Variants in FAF1 observed in about 807,000 individuals in gnomAD.
FAF1 encodes Fas associated factor 1.
A neutral mutation model predicts 92.5 loss-of-function variants in FAF1; 25 were observed. The observed-to-expected ratio is 0.27, with a 90% CI of 0.20 to 0.38. The LOEUF (loss-of-function observed/expected upper bound fraction) is 0.38, where lower values mean the gene tolerates loss of function less well. FAF1 is among the 10% of genes least tolerant of loss of function. The probability of loss-of-function intolerance (pLI) is 1.00; values close to 1 mark genes in which losing one functional copy is unlikely to be tolerated. For synonymous variants in FAF1, 234 were observed against 273.2 expected, an observed-to-expected ratio of 0.86 and a Z score of 1.42; for missense variants, 636 against 793.3, an observed-to-expected ratio of 0.80 and a Z score of 2.38.
rs36053491 is a variant in FAF1 at position 50,836,170 on chromosome 1, G to GTTTTTTTTTTTTTTTTTTTTTTTT, written c.114+21758_114+21759insAAAAAAAAAAAAAAAAAAAAAAAA. Among the ~76,000 whole-genome samples, 152 of 98,514 alleles carry GTTTTTTTTTTTTTTTTTTTTTTTT rather than the reference G, an allele frequency of 1.5e-3. 11 individuals are homozygous for GTTTTTTTTTTTTTTTTTTTTTTTT. The highest frequency in any genetic ancestry group is 1.9e-3 in the Non-Finnish European group (96 of 49,730). 64.6% of individuals were successfully genotyped at this position (98,514 alleles called of 152,430 possible). A position where few individuals can be genotyped will look rare whatever the true frequency, so the allele number is the denominator to read the frequency against. ...GTGTGTGTTTTTGTTTTTTGTTTCT[G>GTTTTTTTTTTTTTTTTTTTTTTTT]TTTTTTTTTTTTTTTTTTTAGACAG... On this transcript the variant is annotated intron_variant, in intron 2 of 18. Transcript: ENST00000396153.
intron 4 of FAF1, among the ~76,000 whole-genome samples, chr1:50,774,325 G>C (rs1477756392): frequency 1.3e-5 from 2 of 152,104 alleles, no homozygotes; most frequent in African/African-American, 4.8e-5. Flanking sequence ...ATAAAGCATG[G>C]CTGAGGCATG....
chr1:50,846,409 C>T (rs1286782678), intron 2 of FAF1: 6 of 378,934 alleles, frequency 1.6e-5, no homozygotes, highest in East Asian at 1.7e-4. Context: ...CCTGCCATCC[C>T]GCCCCTTCGC....
At chr1:50,938,620 C>T (rs910366903) in intron 1 of FAF1, among the ~76,000 whole-genome samples, 2 of 152,178 alleles carry the variant, frequency 1.3e-5, no homozygotes, top group Admixed American at 6.5e-5. Context: ...GTTGCAATTA[C>T]TTTTGGGGAC....
At chr1:50,761,078 G>A (rs1660306659) in intron 4 of FAF1, among the ~76,000 whole-genome samples, 2 of 152,272 alleles carry the variant, frequency 1.3e-5, no homozygotes, top group South Asian at 4.1e-4. Flanking sequence ...AAATAAACTA[G>A]AAAATCTAGA....
intron 17 of FAF1, among the ~76,000 whole-genome samples, chr1:50,490,323 G>A (rs1646816157): frequency 6.6e-6 from 1 of 151,726 alleles, no homozygotes. Flanking sequence ...TGGTGCTACA[G>A]TGAGCCCAGA....
chr1:50,728,593 C>A (rs943302275), intron 6 of FAF1, among the ~76,000 whole-genome samples: 4 of 151,826 alleles, frequency 2.6e-5, no homozygotes, highest in Non-Finnish European at 5.9e-5. Flanking sequence ...AAGTTTGAGA[C>A]CAGCCTAGCC....
intron 4 of FAF1, among the ~76,000 whole-genome samples, chr1:50,764,363 G>A (rs761665312): frequency 3.3e-5 from 5 of 152,142 alleles, no homozygotes; most frequent in Non-Finnish European, 5.9e-5. Flanking sequence ...GTACTCAATC[G>A]TGTAGAGATT....
chr1:50,534,383 C>T (rs549619225), intron 15 of FAF1, among the ~76,000 whole-genome samples: 1 of 152,108 alleles, frequency 6.6e-6, no homozygotes, highest in Non-Finnish European at 1.5e-5. Flanking sequence ...CAGGTTCAAG[C>T]GATTATCCTG....
chr1:50,658,413 T>C (rs892730711), intron 7 of FAF1, among the ~76,000 whole-genome samples: 3 of 152,200 alleles, frequency 2.0e-5, no homozygotes, highest in African/African-American at 7.2e-5. Context: ...AGTGGGATTC[T>C]TTGAATTCCA....
intron 1 of FAF1, among the ~76,000 whole-genome samples, chr1:50,861,783 A>G (rs1269896570): frequency 6.6e-6 from 1 of 151,828 alleles, no homozygotes; most frequent in Non-Finnish European, 1.5e-5. Context: ...GAAAGACTAG[A>G]AAGGAAAACT....
At chr1:50,724,304 C>T (rs11590004) in intron 6 of FAF1, among the ~76,000 whole-genome samples, 65 of 138,522 alleles carry the variant, frequency 4.7e-4, no homozygotes, top group South Asian at 1.2e-3. Flanking sequence ...CATACACACA[C>T]ACACACACAC....
At chr1:50,497,108 T>A (rs1646908064) in intron 15 of FAF1, among the ~76,000 whole-genome samples, 1 of 151,628 alleles carries the variant, frequency 6.6e-6, no homozygotes, top group Non-Finnish European at 1.5e-5. Flanking sequence ...CCAAGGCACA[T>A]CATAACCAAA....
chr1:50,628,982 T>G (rs2124201211), intron 8 of FAF1, among the ~76,000 whole-genome samples: 1 of 152,272 alleles, frequency 6.6e-6, no homozygotes, highest in East Asian at 1.9e-4. Flanking sequence ...AACTGTAAAA[T>G]GGGGTGAATA....
intron 4 of FAF1, among the ~76,000 whole-genome samples, chr1:50,751,232 A>C (rs559642561): frequency 6.6e-6 from 1 of 151,982 alleles, no homozygotes; most frequent in Admixed American, 6.5e-5. Flanking sequence ...TTGCTGAAGA[A>C]CCTACAATAG....
chr1:50,640,945 T>C lies in FAF1; in HGVS notation c.744+14497A>G, dbSNP rs558423278. On this transcript the variant is annotated intron_variant, in intron 8 of 18. Transcript: ENST00000396153. Reference sequence around the variant, plus strand: ...GCCTCTGGGGTTCAAGCAATTCTCCTGCCTCAGCCTCCTGAGTAGCTGGGA... The same window carrying C: ...GCCTCTGGGGTTCAAGCAATTCTCCCGCCTCAGCCTCCTGAGTAGCTGGGA... Among the ~76,000 whole-genome samples, 14 of 148,162 alleles carry C rather than the reference T, an allele frequency of 9.4e-5. No homozygotes were observed. In the East Asian group the frequency reaches 2.9e-3, roughly 31 times the overall value.
intron 4 of FAF1, among the ~76,000 whole-genome samples, chr1:50,745,590 C>T (rs1048120418): frequency 5.9e-5 from 9 of 152,216 alleles, no homozygotes; most frequent in Non-Finnish European, 1.2e-4. Flanking sequence ...GTGTGTGCTA[C>T]CTTTCCTCTC....
intron 6 of FAF1, among the ~76,000 whole-genome samples, chr1:50,719,345 T>C (rs1658313504): frequency 6.6e-6 from 1 of 152,240 alleles, no homozygotes. Flanking sequence ...CACCACAAGT[T>C]CTGTAACAAT....
intron 4 of FAF1, among the ~76,000 whole-genome samples, chr1:50,776,508 C>T (rs1004675818): frequency 2.6e-5 from 4 of 151,674 alleles, no homozygotes; most frequent in African/African-American, 4.9e-5. Context: ...TCACCACACT[C>T]GAAATAAGCA....
At chr1:50,546,697 T>C (rs1251363927) in intron 13 of FAF1, among the ~76,000 whole-genome samples, 4 of 152,140 alleles carry the variant, frequency 2.6e-5, no homozygotes, top group Non-Finnish European at 4.4e-5. Context: ...AACCTCTGGA[T>C]GGATAAATAA....
Sources: allele counts gnomAD v4.1 joint callset (sites outside exome capture counted in the v4.1 genomes callset), GRCh38; gene constraint gnomAD v4.1.1; transcripts MANE v1.5; gene names NCBI Gene and HGNC (gene_info 2026-07-23, HGNC 2026-07-21).